The following SSBP2 variants were observed in gnomAD, a reference collection of about 807,000 sequenced individuals.
The protein encoded by SSBP2 is single-stranded DNA-binding protein 2.
SSBP2 carries 17 observed loss-of-function variants against 61.8 expected under a neutral mutation model. That is an observed-to-expected ratio of 0.28 (90% CI 0.19 to 0.41). The LOEUF (loss-of-function observed/expected upper bound fraction) is 0.41, where lower values mean the gene tolerates loss of function less well. Among genes scored for constraint, SSBP2 ranks in the 10% least tolerant of loss-of-function variants. SSBP2 has a pLI of 1.00. For synonymous variants in SSBP2, 139 were observed against 141.3 expected, an observed-to-expected ratio of 0.98 and a Z score of 0.12; for missense variants, 310 against 458.7, an observed-to-expected ratio of 0.68 and a Z score of 2.96.
chr5:81,594,415 C>T (rs1743486585), intron 4 of SSBP2, among the ~76,000 whole-genome samples: 1 of 152,264 alleles, frequency 6.6e-6, no homozygotes, highest in East Asian at 1.9e-4. Context: ...ACCCCACTGT[C>T]AACATTAGAC....
chr5:81,622,118 A>T (rs375883593), intron 3 of SSBP2, among the ~76,000 whole-genome samples: 11,198 of 140,920 alleles, frequency 0.079, 372 homozygotes, highest in Non-Finnish European at 0.096. Context: ...AAAAAAAAAA[A>T]TTAAAAAAAA....
intron 16 of SSBP2, among the ~76,000 whole-genome samples, chr5:81,426,876 A>G (rs1166925672): frequency 6.6e-6 from 1 of 152,188 alleles, no homozygotes; most frequent in Non-Finnish European, 1.5e-5. Flanking sequence ...GTTTTTTTCC[A>G]ACTCCAAATT....
At chr5:81,527,556 T>C (rs1021002985) in intron 4 of SSBP2, among the ~76,000 whole-genome samples, 10 of 152,046 alleles carry the variant, frequency 6.6e-5, no homozygotes, top group Non-Finnish European at 1.5e-4. Flanking sequence ...TAATCTAGAA[T>C]ATGTAAAACA....
chr5:81,596,277 A>G (rs1207743473), intron 4 of SSBP2, among the ~76,000 whole-genome samples: 2 of 150,572 alleles, frequency 1.3e-5, no homozygotes, highest in African/African-American at 4.9e-5. Context: ...AATCCAACTT[A>G]CAAGGGATGT....
At chr5:81,467,928 A>C (rs534444614) in intron 8 of SSBP2, among the ~76,000 whole-genome samples, 6 of 152,044 alleles carry the variant, frequency 3.9e-5, no homozygotes, top group African/African-American at 9.6e-5. Flanking sequence ...GAGTAATCTT[A>C]TCTGCCACCA....
intron 4 of SSBP2, among the ~76,000 whole-genome samples, chr5:81,570,427 C>T (rs2153443264): frequency 6.6e-6 from 1 of 152,232 alleles, no homozygotes; most frequent in African/African-American, 2.4e-5. Context: ...AAAAGAAACT[C>T]CACTTAATTC....
chr5:81,587,906 A>G (rs1337546862), intron 4 of SSBP2, among the ~76,000 whole-genome samples: 1 of 152,180 alleles, frequency 6.6e-6, no homozygotes, highest in African/African-American at 2.4e-5. Flanking sequence ...GAGCCCAATC[A>G]TTTTCTGGGC....
At chr5:81,616,276 A>G (rs1435947683) in intron 3 of SSBP2, 1 of 147,574 alleles carries the variant, frequency 6.8e-6, no homozygotes, top group East Asian at 2.0e-4. Flanking sequence ...AGGGCGAGGC[A>G]TTGCCTCACC....
chr5:81,428,783 G>A (rs976600772), intron 15 of SSBP2, 100 bp from the exon 16 acceptor site: 3 of 750,788 alleles, frequency 4.0e-6, no homozygotes, highest in South Asian at 3.5e-5. Context: ...TAAGGACAAA[G>A]CATACTTCTA....
intron 10 of SSBP2, among the ~76,000 whole-genome samples, chr5:81,451,687 A>G (rs1239671987): frequency 6.6e-6 from 1 of 152,210 alleles, no homozygotes. Flanking sequence ...TTGGCCTCCC[A>G]AAGTGTTGGG....
At chr5:81,731,100 T>C (rs1385710602) in intron 1 of SSBP2, among the ~76,000 whole-genome samples, 1 of 152,216 alleles carries the variant, frequency 6.6e-6, no homozygotes. Flanking sequence ...ATGTAGATTC[T>C]ATAAATACTG....
chr5:81,635,740 C>T (rs898898186), intron 3 of SSBP2, among the ~76,000 whole-genome samples: 3 of 152,184 alleles, frequency 2.0e-5, no homozygotes, highest in East Asian at 3.9e-4. Flanking sequence ...CCCGCCACCA[C>T]GCCTGGCTAA....
At chr5:81,462,946 A>C (rs34672841) in intron 9 of SSBP2, among the ~76,000 whole-genome samples, 36,331 of 151,884 alleles carry the variant, frequency 0.24, 4,600 homozygotes, top group Non-Finnish European at 0.28. Context: ...AACTATTTTT[A>C]TTTTCAAATT....
chr5:81,495,909 G>A (rs577780763), intron 5 of SSBP2, among the ~76,000 whole-genome samples: 294 of 152,054 alleles, frequency 1.9e-3, no homozygotes, highest in Non-Finnish European at 3.7e-3. Flanking sequence ...CCTCTAAAAT[G>A]TCAATTGCTA....
At chr5:81,688,318 C>T (rs1164371830) in intron 1 of SSBP2, among the ~76,000 whole-genome samples, 1 of 152,218 alleles carries the variant, frequency 6.6e-6, no homozygotes, top group African/African-American at 2.4e-5. Context: ...TGAATGGCAT[C>T]ACTGGATCCG....
intron 5 of SSBP2, among the ~76,000 whole-genome samples, chr5:81,502,691 A>T (rs907471692): frequency 6.6e-6 from 1 of 152,196 alleles, no homozygotes; most frequent in Non-Finnish European, 1.5e-5. Flanking sequence ...ACATCAGTAA[A>T]CATCAACTCC....
chr5:81,466,264 T>A (rs539423821), intron 9 of SSBP2, among the ~76,000 whole-genome samples: 1 of 152,080 alleles, frequency 6.6e-6, no homozygotes, highest in South Asian at 2.1e-4. Flanking sequence ...GCAAGCTGGA[T>A]AATGAAAAAG....
At chr5:81,637,007 AGAG>A (rs947982207) in intron 2 of SSBP2, among the ~76,000 whole-genome samples, 4 of 152,228 alleles carry the variant, frequency 2.6e-5, no homozygotes, top group African/African-American at 9.6e-5. Context: ...GGAAGTAAGA[AGAG>A]GGGAAATGGA....
chr5:81,490,091 C>A (rs1207041767), intron 5 of SSBP2, among the ~76,000 whole-genome samples: 2 of 150,608 alleles, frequency 1.3e-5, no homozygotes, highest in East Asian at 3.9e-4. Flanking sequence ...CATATTTTGA[C>A]CCTAGCTGAT....
Sources: allele counts gnomAD v4.1 joint callset (sites outside exome capture counted in the v4.1 genomes callset), GRCh38; gene constraint gnomAD v4.1.1; transcripts MANE v1.5; gene names NCBI Gene and HGNC (gene_info 2026-07-23, HGNC 2026-07-21).